Variants in AHDC1 observed in about 807,000 individuals in gnomAD.
AHDC1 encodes AT-hook DNA binding motif containing 1.
A neutral mutation model predicts 87.9 loss-of-function variants in AHDC1; 7 were observed. The ratio of observed to expected loss-of-function variants is 0.08; its 90% CI spans 0.05 to 0.15. The LOEUF is 0.15. Among genes scored for constraint, AHDC1 ranks in the 10% least tolerant of loss-of-function variants. The pLI is 1.00. For missense variants in AHDC1, 1,841 were observed against 2,253.2 expected (o/e 0.82, Z 3.70); for synonymous variants, 1,051 against 1,006.8 (o/e 1.04, Z -0.83).
intron 3 of AHDC1, among the ~76,000 whole-genome samples, chr1:27,581,867 C>T (rs866408666): frequency 5.3e-5 from 8 of 152,194 alleles, no homozygotes; most frequent in Non-Finnish European, 8.8e-5. Context: ...ATCTGGTCAG[C>T]GGGGCTGACT....
chr1:27,570,415 G>T (rs1329740411), intron 3 of AHDC1, among the ~76,000 whole-genome samples: 3 of 151,994 alleles, frequency 2.0e-5, no homozygotes, highest in African/African-American at 7.3e-5. Context: ...CTTCAAATGG[G>T]GATACTGAGG....
chr1:27,602,767 G>A (rs1026675950), intron 3 of AHDC1, among the ~76,000 whole-genome samples: 1 of 152,040 alleles, frequency 6.6e-6, no homozygotes, highest in Non-Finnish European at 1.5e-5. Context: ...AACCGGGCAC[G>A]CGGCCCAACC....
intron 3 of AHDC1, among the ~76,000 whole-genome samples, chr1:27,573,855 AACTGAGGCTCACAAG>A (rs1437274498): frequency 5.3e-5 from 8 of 152,236 alleles, no homozygotes; most frequent in African/African-American, 1.7e-4. Flanking sequence ...CAGAAAAGCA[AACTGAGGCTCACAAG>A]AGGTAGGGTA....
intron 3 of AHDC1, among the ~76,000 whole-genome samples, chr1:27,577,834 G>C (rs1178034589): frequency 1.3e-5 from 2 of 152,154 alleles, no homozygotes; most frequent in Non-Finnish European, 2.9e-5. Flanking sequence ...CAGGAACTGG[G>C]GGCCAGTGCT....
In AHDC1 at chr1:27,549,281, G is replaced by A; in HGVS notation, c.2835C>T (p.Pro945=). 1 of 1,603,956 alleles carries A rather than the reference G, an allele frequency of 6.2e-7. No individual in the cohort carries two copies. The highest frequency in any genetic ancestry group is 8.5e-7 in the Non-Finnish European group (1 of 1,173,204). ...TGGCTGAGGGCGGGGGCACCAGCTT[G>A]GGGAAGGTCTCGGCTGCCCGGCAGT... ...ASDCRAAETF[P]KLVPPPSAMA... The change falls in exon 8 of 9, where the codon CCC becomes CCT. Residue 945 remains proline (P), a synonymous_variant. Transcript: ENST00000673934.
Position 27,548,958 on chromosome 1 carries a change from G to A in AHDC1, c.3158C>T (p.Pro1053Leu), listed in dbSNP as rs767594160. 2 of 1,573,074 alleles carry A rather than the reference G, an allele frequency of 1.3e-6. No individual in the cohort carries two copies. Among genetic ancestry groups the A allele is most frequent in the South Asian group, 2.3e-5 (2 of 86,906 alleles). The change falls in exon 8 of 9, where the codon CCC becomes CTC. Residue 1053 changes from proline (P) to leucine (L), a missense_variant. Physicochemically the swap from Pro to Leu is moderately conservative, Grantham distance 98. Coordinates refer to ENST00000673934, the MANE Select transcript of AHDC1 (RefSeq NM_001371928.1). Reference sequence around the variant, plus strand: ...GCTGGCCCGGCTGTCACAGCGCAGGGGCGTGGGGGCTGAACCAGAGAAGGG... The same window carrying A: ...GCTGGCCCGGCTGTCACAGCGCAGGAGCGTGGGGGCTGAACCAGAGAAGGG... ...GAPFSGSAPT[P>L]LRCDSRASTV...
rs1255074981 is a variant in AHDC1, at chr1:27,562,191, G to T, written c.-628-3308C>A. Among the ~76,000 whole-genome samples the T allele has an allele frequency of 6.6e-6, 1 of 152,134 alleles. No homozygotes were observed. Among genetic ancestry groups the T allele is most frequent in the Non-Finnish European group, 1.5e-5 (1 of 67,992 alleles). On this transcript the variant is annotated intron_variant, in intron 3 of 8. Transcript: ENST00000673934. This position sits in a 1 kb window ranked among gnomAD's most constrained non-coding sequence, Gnocchi z 4.4. ...CAGAGCTGGGATGTGTGGGCAGGGG[G>T]AGTGGACGCGCCCAAGCTGGCTCGG...
intron 3 of AHDC1, among the ~76,000 whole-genome samples, chr1:27,569,198 C>T (rs2020462952): frequency 6.6e-6 from 1 of 152,164 alleles, no homozygotes; most frequent in South Asian, 2.1e-4. Flanking sequence ...TCACCAACCC[C>T]TGCTCTGGAG....
intron 3 of AHDC1, among the ~76,000 whole-genome samples, chr1:27,594,234 G>A (rs76150377): frequency 2.0e-5 from 3 of 152,124 alleles, no homozygotes; most frequent in Non-Finnish European, 4.4e-5. Context: ...CCCGCAGCCT[G>A]GATTTGGGGG....
intron 3 of AHDC1, among the ~76,000 whole-genome samples, chr1:27,577,338 G>A (rs1292481054): frequency 6.6e-6 from 1 of 152,218 alleles, no homozygotes; most frequent in Non-Finnish European, 1.5e-5. Context: ...AGCTCCTGCC[G>A]TGCGGCAGCT....
Position 27,580,175 on chromosome 1 carries a change from G to C in AHDC1, c.-628-21292C>G, listed in dbSNP as rs918758578. On this transcript the variant is annotated intron_variant, in intron 3 of 8. Transcript: ENST00000673934. The stretch of plus-strand genomic sequence containing the variant: ...AGACAGCACTGGAGGCTGAGTCAAA[G>C]AGTTAGGGGTAAGCCCTTCCAGAAC... Among the ~76,000 whole-genome samples the C allele has an allele frequency of 3.9e-5, 6 of 152,166 alleles. No homozygotes were observed. The East Asian group carries it at 1.2e-3, about 29-fold the overall frequency.
chr1:27,552,005 G>C lies in AHDC1; in HGVS notation c.111C>G (p.Pro37=), dbSNP rs1308259435. 1 of 1,461,458 alleles carries C rather than the reference G, an allele frequency of 6.8e-7. No homozygotes were observed. Among genetic ancestry groups the C allele is most frequent in the African/African-American group, 1.4e-5 (1 of 69,144 alleles). 90.5% of individuals were successfully genotyped at this position (1,461,458 alleles called of 1,614,324 possible). The change falls in exon 8 of 9, where the codon CCC becomes CCG. Residue 37 remains proline (P), a synonymous_variant. Transcript: ENST00000673934. ...TGGCAGGGGGCCGGGTGGGAAGCAG[G>C]GGCCGGGGGGTGGGGGGGCCGCCGG... The part of the protein sequence containing the change: ...YYPGGPPTPR[P]LLPTRPPASP...
Position 27,558,791 on chromosome 1 carries a change from A to C in AHDC1, c.-536T>G, listed in dbSNP as rs2019939023. ...CCAGGGTGGTCTCTGCAACGGCCTG[A>C]GCGTCGCCCCGCACTCGGGGCCCTC... On this transcript the variant is annotated 5_prime_UTR_variant, in exon 4 of 9. Transcript: ENST00000673934. The surrounding 1 kb of genome is among the most constrained non-coding windows in gnomAD (Gnocchi z 5.6). 2.0e-5 allele frequency: 8 copies of C among 398,458 alleles called. No homozygotes were observed. The highest frequency in any genetic ancestry group is 3.5e-5 in the Non-Finnish European group (8 of 226,092). The allele number at this position is 398,458 out of a possible 1,614,324, so 24.7% of individuals were successfully genotyped here. A position where few individuals can be genotyped will look rare whatever the true frequency, so the allele number is the denominator to read the frequency against.
Position 27,550,886 on chromosome 1 carries a change from C to A in AHDC1, c.1230G>T (p.Glu410Asp). The change falls in exon 8 of 9, where the codon GAG becomes GAT. Residue 410 changes from glutamate to aspartate, a missense_variant. Glu to Asp is a conservative substitution (Grantham distance 45, BLOSUM62 2). This residue lies in a region of AHDC1 where 370 missense variants were observed against 391.5 expected (regional missense o/e 0.95). Coordinates refer to ENST00000673934, the MANE Select transcript of AHDC1 (RefSeq NM_001371928.1). ...GRGRKADAGP[E>D]GRLLPLPMPT... ...GCATAGGCAGGGGCAGTAGGCGGCC[C>A]TCGGGTCCGGCGTCTGCCTTGCGTC... 1 of 1,586,764 alleles carries A rather than the reference C, an allele frequency of 6.3e-7. No homozygotes were observed. Among genetic ancestry groups the A allele is most frequent in the Admixed American group, 1.7e-5 (1 of 57,834 alleles).
rs2019422827 is a variant in AHDC1, at chr1:27,549,801, T to C, written c.2315A>G (p.Lys772Arg). The change falls in exon 8 of 9, where the codon AAG becomes AGG. Residue 772 changes from lysine to arginine, a missense_variant. Lys to Arg is a conservative substitution (Grantham distance 26, BLOSUM62 2). Transcript: ENST00000673934. ...ATGGTGAGGGGCCCAGCCACCACCC[T>C]TATCCCCGGCCCACTCAGCACCTGC... ...GEAGAEWAGDKGGGWAPHHGH... is the reference protein window; with the variant it reads ...GEAGAEWAGDRGGGWAPHHGH... 2 of 1,613,394 alleles carry C rather than the reference T, an allele frequency of 1.2e-6. No homozygotes were observed. Among genetic ancestry groups the C allele is most frequent in the African/African-American group, 1.3e-5 (1 of 74,886 alleles).
Position 27,598,852 on chromosome 1 carries a change from A to G in AHDC1, c.-629+4545T>C, listed in dbSNP as rs2089448133. ...GCATCCACCGTCATGACATGAACGC[A>G]GAGACCAGCACCCTACCTTGCACTG... On this transcript the variant is annotated intron_variant, in intron 3 of 8. Transcript: ENST00000673934. This position sits in a 1 kb window ranked among gnomAD's most constrained non-coding sequence, Gnocchi z 4.2. Among the ~76,000 whole-genome samples, 1 of 152,140 alleles carries G rather than the reference A, an allele frequency of 6.6e-6. No homozygotes were observed. The highest frequency in any genetic ancestry group is 1.5e-5 in the Non-Finnish European group (1 of 68,002).
chr1:27,539,558 G>C (rs937159355), intron 8 of AHDC1, among the ~76,000 whole-genome samples: 5 of 151,906 alleles, frequency 3.3e-5, no homozygotes, highest in Admixed American at 6.6e-5. Context: ...CAATTTTCCT[G>C]CCTCAGCCTC....
chr1:27,539,698 C>CGTG (rs1459844082), intron 8 of AHDC1, among the ~76,000 whole-genome samples: 1 of 152,212 alleles, frequency 6.6e-6, no homozygotes, highest in Non-Finnish European at 1.5e-5. Flanking sequence ...CCCACCTCGG[C>CGTG]CTCCCAAAGT....
intron 5 of AHDC1, among the ~76,000 whole-genome samples, chr1:27,557,840 C>T (rs2019893795): frequency 6.6e-6 from 1 of 152,224 alleles, no homozygotes; most frequent in Non-Finnish European, 1.5e-5. Flanking sequence ...TGAACGCTCC[C>T]CAGCCCAGTC....
Sources: allele counts gnomAD v4.1 joint callset (sites outside exome capture counted in the v4.1 genomes callset), GRCh38; gene constraint gnomAD v4.1.1; regional missense constraint gnomAD v4.1.1; non-coding constraint Gnocchi (gnomAD v3.1); transcripts MANE v1.5; gene names NCBI Gene and HGNC (gene_info 2026-07-23, HGNC 2026-07-21).